RASGEF1C: variants seen among roughly 807,000 people sequenced by gnomAD.
RASGEF1C encodes RasGEF domain family member 1C, also known as ras-GEF domain-containing family member 1C.
RASGEF1C carries 27 observed loss-of-function variants against 58.1 expected under a neutral mutation model. The observed-to-expected ratio is 0.46, with a 90% confidence interval of 0.34 to 0.64. The LOEUF (loss-of-function observed/expected upper bound fraction) is 0.64, where lower values mean the gene tolerates loss of function less well. Ranked by LOEUF, RASGEF1C falls within the 30% of genes least tolerant of loss-of-function variation. RASGEF1C has a pLI of 0.01. For synonymous variants in RASGEF1C, 243 were observed against 246.3 expected (o/e 0.99, Z 0.13); for missense variants, 502 against 605.1 (o/e 0.83, Z 1.79).
chr5:180,166,728 C>T lies in RASGEF1C; in HGVS notation c.-6-28670G>A, dbSNP rs1417506634. Among the ~76,000 whole-genome samples, 4 of 151,998 alleles carry T rather than the reference C, an allele frequency of 2.6e-5. No homozygotes were observed. The East Asian group carries it at 7.7e-4, about 29-fold the overall frequency. Reference sequence around the variant, plus strand: ...ACGGGGTTTCACCATGTTGGCCAGGCTGGTCTCAAACTCCTCACCTCAGAT... The same window carrying T: ...ACGGGGTTTCACCATGTTGGCCAGGTTGGTCTCAAACTCCTCACCTCAGAT... On this transcript the variant is annotated intron_variant, in intron 1 of 13. Coordinates refer to ENST00000361132, the MANE Select transcript of RASGEF1C (RefSeq NM_175062.4).
At chr5:180,110,675 A>G (rs1434204109) in intron 12 of RASGEF1C, among the ~76,000 whole-genome samples, 4 of 152,220 alleles carry the variant, frequency 2.6e-5, no homozygotes, top group Non-Finnish European at 5.9e-5. Flanking sequence ...GGAAATGCTT[A>G]TTTAGTGGAG....
Position 180,137,669 on chromosome 5 carries a change from A to G in RASGEF1C, c.221T>C (p.Ile74Thr), listed in dbSNP as rs1391789329. The G allele has an allele frequency of 6.2e-7, 1 of 1,612,828 alleles. No individual in the cohort carries two copies. Among genetic ancestry groups the G allele is most frequent in the Admixed American group, 1.7e-5 (1 of 60,018 alleles). Residue 74 changes from isoleucine (I) to threonine (T), a missense_variant, in exon 3 of 14, where the codon ATC becomes ACC. Physicochemically the swap from Ile to Thr is moderately conservative, Grantham distance 89 (BLOSUM62 -1). Transcript: ENST00000361132. The surrounding 1 kb of genome is among the most constrained non-coding windows in gnomAD (Gnocchi z 4.1). ...CCGGGCCAGGAGCTCCCGGGGCTCGATGAAGAGGCGAGAGCTCAGCAGGAA... is the reference window on the plus strand; with the variant it reads ...CCGGGCCAGGAGCTCCCGGGGCTCGGTGAAGAGGCGAGAGCTCAGCAGGAA... ...FTFLLSSRLF[I>T]EPRELLARVC...
Position 180,137,643 on chromosome 5 carries a change from C to T in RASGEF1C, c.247G>A (p.Val83Ile). The T allele has an allele frequency of 6.2e-7, 1 of 1,612,628 alleles. No homozygotes were observed. The highest frequency in any genetic ancestry group is 1.3e-5 in the African/African-American group (1 of 75,042). The change falls in exon 3 of 14, where the codon GTC (valine) becomes ATC (isoleucine). Residue 83 changes from valine (V) to isoleucine (I), a missense_variant. Val to Ile is a conservative substitution (Grantham distance 29). Coordinates refer to ENST00000361132, the MANE Select transcript of RASGEF1C (RefSeq NM_175062.4). This position sits in a 1 kb window ranked among gnomAD's most constrained non-coding sequence, Gnocchi z 4.1. ...FIEPRELLARVCHLCIEQQQL... is the reference protein window; with the variant it reads ...FIEPRELLARICHLCIEQQQL... ...TGCTGCTCGATGCACAGGTGGCAGA[C>T]CCGGGCCAGGAGCTCCCGGGGCTCG...
intron 1 of RASGEF1C, among the ~76,000 whole-genome samples, chr5:180,189,761 A>G (rs1023503464): frequency 1.3e-5 from 2 of 151,714 alleles, no homozygotes; most frequent in African/African-American, 4.8e-5. Context: ...ATCTCTACTG[A>G]AAATACAAAA....
At chr5:180,123,100 A>T (rs1766202302) in intron 6 of RASGEF1C, among the ~76,000 whole-genome samples, 1 of 152,264 alleles carries the variant, frequency 6.6e-6, no homozygotes, top group African/African-American at 2.4e-5. Flanking sequence ...CTTTAAGGCA[A>T]CAAAAAAGAC....
chr5:180,104,253 G>T (rs1443749701), intron 12 of RASGEF1C, among the ~76,000 whole-genome samples: 3 of 152,150 alleles, frequency 2.0e-5, no homozygotes, highest in African/African-American at 7.2e-5. Flanking sequence ...TAACTAACAG[G>T]TGGGGTCTGG....
At position 180,156,474 on chromosome 5, in the gene RASGEF1C, G is replaced by A. The variant is rs548471492; in HGVS notation, c.-6-18416C>T. On this transcript the variant is annotated intron_variant, in intron 1 of 13. Coordinates refer to ENST00000361132, the MANE Select transcript of RASGEF1C (RefSeq NM_175062.4). This position sits in a 1 kb window ranked among gnomAD's most constrained non-coding sequence, Gnocchi z 4.9. ...ACCTCTGTGATAAAGAACTGTTATC[G>A]AAAATATATAAAGGGCCAGGCATGG... 2.6e-5 allele frequency among the ~76,000 whole-genome samples: 4 copies of A among 152,246 alleles called. No individual in the cohort carries two copies. Among genetic ancestry groups the A allele is most frequent in the South Asian group, 2.1e-4 (1 of 4,818 alleles).
At chr5:180,188,089 TCAA>T (rs1756073470) in intron 1 of RASGEF1C, among the ~76,000 whole-genome samples, 1 of 152,166 alleles carries the variant, frequency 6.6e-6, no homozygotes, top group Non-Finnish European at 1.5e-5. Context: ...CACATGTCCA[TCAA>T]CAGATGCATG....
At chr5:180,173,688 GCA>G (rs557247596) in intron 1 of RASGEF1C, among the ~76,000 whole-genome samples, 4,751 of 152,260 alleles carry the variant, frequency 0.031, 266 homozygotes, top group African/African-American at 0.11. Context: ...GCCAAGGTGG[GCA>G]GATCACAAGG....
chr5:180,192,818 C>A (rs1469884377), intron 1 of RASGEF1C, among the ~76,000 whole-genome samples: 4 of 151,456 alleles, frequency 2.6e-5, no homozygotes, highest in Non-Finnish European at 5.9e-5. Context: ...AATCTCGGCT[C>A]ACTGCAAGCT....
chr5:180,118,544 G>C, intron 10 of RASGEF1C, 65 bp downstream of exon 10: 6 of 1,402,230 alleles, frequency 4.3e-6, no homozygotes, highest in Non-Finnish European at 4.9e-6. Flanking sequence ...TGCAGCAAGT[G>C]AACTCTGAGC....
At chr5:180,135,476 G>A (rs767463044) in intron 4 of RASGEF1C, among the ~76,000 whole-genome samples, 9 of 152,086 alleles carry the variant, frequency 5.9e-5, no homozygotes, top group Admixed American at 1.3e-4. Flanking sequence ...ATGTGCCCCC[G>A]CCCACGTTTC....
chr5:180,176,807 C>T (rs919580454), intron 1 of RASGEF1C, among the ~76,000 whole-genome samples: 6 of 152,122 alleles, frequency 3.9e-5, no homozygotes, highest in Admixed American at 6.5e-5. Flanking sequence ...CCGCCCGCCT[C>T]GGCCTCCCAA....
At chr5:180,151,630 G>C (rs1766746673) in intron 1 of RASGEF1C, among the ~76,000 whole-genome samples, 1 of 151,842 alleles carries the variant, frequency 6.6e-6, no homozygotes, top group African/African-American at 2.4e-5. Context: ...AGAAAACCTA[G>C]GCAATACCAT....
intron 1 of RASGEF1C, among the ~76,000 whole-genome samples, chr5:180,166,408 G>A (rs1334639090): frequency 1.3e-5 from 2 of 151,962 alleles, no homozygotes; most frequent in African/African-American, 4.8e-5. Context: ...TTGGCCAGAA[G>A]AACTTCTGTG....
At position 180,158,437 on chromosome 5, in the gene RASGEF1C, T is replaced by C. The variant is rs984618342; in HGVS notation, c.-6-20379A>G. Among the ~76,000 whole-genome samples the C allele has an allele frequency of 9.2e-5, 14 of 152,310 alleles. No homozygotes were observed. The highest frequency in any genetic ancestry group is 3.4e-4 in the African/African-American group (14 of 41,572). On this transcript the variant is annotated intron_variant, in intron 1 of 13. Transcript: ENST00000361132. The surrounding 1 kb of genome is among the most constrained non-coding windows in gnomAD (Gnocchi z 4.0). Reference sequence around the variant, plus strand: ...TAAGATCTCACATGCCTGTAAACGTTCTCATTTTACTCACACTTGCTAGTG... The same window carrying C: ...TAAGATCTCACATGCCTGTAAACGTCCTCATTTTACTCACACTTGCTAGTG...
chr5:180,190,426 C>T (rs1239645696), intron 1 of RASGEF1C, among the ~76,000 whole-genome samples: 7 of 143,480 alleles, frequency 4.9e-5, no homozygotes, highest in South Asian at 2.2e-4. Context: ...GGAGGCGGAG[C>T]TTGCAGTGAG....
intron 12 of RASGEF1C, among the ~76,000 whole-genome samples, chr5:180,103,139 G>A (rs1376881167): frequency 3.9e-5 from 6 of 152,084 alleles, no homozygotes; most frequent in African/African-American, 4.8e-5. Context: ...GTGCAGTGGC[G>A]CGATCTCGGC....
At chr5:180,207,347 T>C (rs1756506604) in intron 1 of RASGEF1C, among the ~76,000 whole-genome samples, 1 of 152,256 alleles carries the variant, frequency 6.6e-6, no homozygotes, top group Admixed American at 6.5e-5. Context: ...GGGCCTTGGC[T>C]TGGTCCACTG....
Sources: allele counts gnomAD v4.1 joint callset (sites outside exome capture counted in the v4.1 genomes callset), GRCh38; gene constraint gnomAD v4.1.1; non-coding constraint Gnocchi (gnomAD v3.1); transcripts MANE v1.5; gene names NCBI Gene and HGNC (gene_info 2026-07-23, HGNC 2026-07-21).